The following PPP1R13B variants were observed in gnomAD, a reference collection of about 807,000 sequenced individuals.
The protein encoded by PPP1R13B is protein phosphatase 1 regulatory subunit 13B.
A neutral mutation model predicts 119.8 loss-of-function variants in PPP1R13B; 44 were observed. The ratio of observed to expected loss-of-function variants is 0.37; its 90% CI spans 0.29 to 0.47. The LOEUF is 0.47. PPP1R13B is among the 20% of genes least tolerant of loss of function. The probability of loss-of-function intolerance (pLI) is 0.99; values close to 1 mark genes in which losing one functional copy is unlikely to be tolerated. For missense variants in PPP1R13B, 1,227 were observed against 1,413.5 expected (o/e 0.87, Z 2.12); for synonymous variants, 542 against 561.5 (o/e 0.97, Z 0.49).
intron 11 of PPP1R13B, 33 bp downstream of exon 11, chr14:103,741,757 C>T (rs2084262301): frequency 1.3e-6 from 2 of 1,570,774 alleles, no homozygotes; most frequent in East Asian, 2.3e-5. Flanking sequence ...AATTTCCTAG[C>T]CCCAAGAAAA....
intron 4 of PPP1R13B, among the ~76,000 whole-genome samples, chr14:103,771,953 C>T (rs981184388): frequency 1.3e-5 from 2 of 152,158 alleles, no homozygotes; most frequent in East Asian, 1.9e-4. Flanking sequence ...CCCAAATTTC[C>T]TTGTGCCCTT....
At chr14:103,807,151 A>G (rs570386407) in intron 1 of PPP1R13B, among the ~76,000 whole-genome samples, 17 of 152,252 alleles carry the variant, frequency 1.1e-4, no homozygotes, top group African/African-American at 3.6e-4. Flanking sequence ...TGCACTTGCT[A>G]TTCTCTGCAT....
At position 103,738,978 on chromosome 14, in the gene PPP1R13B, GC is replaced by G; in HGVS notation, c.2637del (p.His880ThrfsTer3). 6.2e-7 allele frequency: 1 copy of G among 1,614,078 alleles called. No homozygotes were observed. The highest frequency in any genetic ancestry group is 8.5e-7 in the Non-Finnish European group (1 of 1,179,994). On this transcript the variant is annotated frameshift_variant, in exon 13 of 17. Transcript: ENST00000202556. LOFTEE classifies it high-confidence loss of function. This position sits in a 1 kb window ranked among gnomAD's most constrained non-coding sequence, Gnocchi z 5.6. ...GGGTTAAACCGGACTCTCAGCCCGT[GC>G]CCCGTCCGCTCCGAGTTGGGCTTCT... ...NLKKPNSERT[G>X]HGLRVRFNPL... is the part of the protein sequence containing the mutation.
chr14:103,811,716 C>T (rs1393875601), intron 1 of PPP1R13B, among the ~76,000 whole-genome samples: 1 of 151,938 alleles, frequency 6.6e-6, no homozygotes, highest in Non-Finnish European at 1.5e-5. Context: ...GGACTTGTAT[C>T]CTAAATACAC....
chr14:103,767,301 G>A (rs936094931), intron 4 of PPP1R13B, among the ~76,000 whole-genome samples: 4 of 152,032 alleles, frequency 2.6e-5, no homozygotes, highest in African/African-American at 4.8e-5. Context: ...GCAACAGAGC[G>A]AAACCCTGTC....
In PPP1R13B at chr14:103,847,484, C is replaced by T; in HGVS notation, c.-177G>A. 1 of 986,678 alleles carries T rather than the reference C, an allele frequency of 1.0e-6. No homozygotes were observed. The highest frequency in any genetic ancestry group is 4.5e-5 in the South Asian group (1 of 22,148). The allele number at this position is 986,678 out of a possible 1,614,324, so 61.1% of individuals were successfully genotyped here. ...GGGGCTCTCGCTGGCCCTGTCGCGG[C>T]CGCCGGCGCGCTGCGTCGCTGTCCC... is the stretch of plus-strand genomic sequence containing the variant. On this transcript the variant is annotated 5_prime_UTR_variant, in exon 1 of 17. Coordinates refer to ENST00000202556, the MANE Select transcript of PPP1R13B (RefSeq NM_015316.3).
chr14:103,784,677 C>A, intron 3 of PPP1R13B, 118 bp downstream of exon 3: 1 of 913,554 alleles, frequency 1.1e-6, no homozygotes, highest in Non-Finnish European at 1.5e-6. Flanking sequence ...AACTTTCCCT[C>A]TAGCCACTTG....
intron 1 of PPP1R13B, among the ~76,000 whole-genome samples, chr14:103,824,685 A>G (rs2152072139): frequency 6.7e-6 from 1 of 148,260 alleles, no homozygotes; most frequent in Admixed American, 6.8e-5. Context: ...ACAGAGCGAG[A>G]CTCCGCCTCA....
At chr14:103,831,473 G>A (rs2086662767) in intron 1 of PPP1R13B, among the ~76,000 whole-genome samples, 1 of 150,218 alleles carries the variant, frequency 6.7e-6, no homozygotes, top group South Asian at 2.1e-4. Flanking sequence ...ACCACACCCG[G>A]CTAATTTTTG....
intron 1 of PPP1R13B, among the ~76,000 whole-genome samples, chr14:103,840,428 T>A (rs1156668286): frequency 3.9e-5 from 6 of 152,200 alleles, no homozygotes; most frequent in Non-Finnish European, 2.9e-5. Flanking sequence ...GAGAAAGGAA[T>A]GAAGAAAATA....
intron 9 of PPP1R13B, among the ~76,000 whole-genome samples, chr14:103,744,635 G>A (rs768217918): frequency 6.6e-6 from 1 of 152,228 alleles, no homozygotes; most frequent in Non-Finnish European, 1.5e-5. Flanking sequence ...GCTTGCAGAG[G>A]GCCGCGAGGA....
Position 103,735,663 on chromosome 14 carries a change from T to A in PPP1R13B, c.3231+340A>T, listed in dbSNP as rs564751610. 3.3e-3 allele frequency among the ~76,000 whole-genome samples: 502 copies of A among 152,296 alleles called. 2 individuals are homozygous for A. The highest frequency in any genetic ancestry group is 0.011 in the African/African-American group (477 of 41,574). ...CCCACCTCTCCCTCCACTGGAGAAA[T>A]TTCTAGGCTGCAGAGATTTCTAGAT... On this transcript the variant is annotated intron_variant, in intron 16 of 16. Coordinates refer to ENST00000202556, the MANE Select transcript of PPP1R13B (RefSeq NM_015316.3).
At chr14:103,745,229 G>C (rs1229822808) in intron 9 of PPP1R13B, among the ~76,000 whole-genome samples, 1 of 152,152 alleles carries the variant, frequency 6.6e-6, no homozygotes, top group Non-Finnish European at 1.5e-5. Flanking sequence ...TTCATAACAA[G>C]ACCCAAGCTC....
At chr14:103,753,648 T>C (rs2084602848) in intron 6 of PPP1R13B, among the ~76,000 whole-genome samples, 1 of 152,198 alleles carries the variant, frequency 6.6e-6, no homozygotes, top group Non-Finnish European at 1.5e-5. Context: ...AAACAGACCC[T>C]CTGAATGAGT....
intron 1 of PPP1R13B, among the ~76,000 whole-genome samples, chr14:103,820,273 C>T (rs1033288767): frequency 2.6e-5 from 4 of 152,148 alleles, no homozygotes; most frequent in Non-Finnish European, 5.9e-5. Context: ...CCCAGCTCCA[C>T]GAAGTTGAAA....
At chr14:103,831,266 G>T (rs2086659165) in intron 1 of PPP1R13B, among the ~76,000 whole-genome samples, 1 of 149,910 alleles carries the variant, frequency 6.7e-6, no homozygotes, top group Non-Finnish European at 1.5e-5. Flanking sequence ...TTTATATAAT[G>T]AGTTAAATAA....
chr14:103,829,334 T>G (rs1010338139), intron 1 of PPP1R13B, among the ~76,000 whole-genome samples: 6 of 152,214 alleles, frequency 3.9e-5, no homozygotes, highest in African/African-American at 7.2e-5. Flanking sequence ...CTGTGAAAAC[T>G]TGCTAAATGC....
chr14:103,796,685 G>A (rs1050396498), intron 2 of PPP1R13B, among the ~76,000 whole-genome samples: 9 of 152,098 alleles, frequency 5.9e-5, no homozygotes, highest in African/African-American at 1.7e-4. Flanking sequence ...TGTCAGGTGC[G>A]GTGGCTCATG....
chr14:103,738,819 C>A lies in PPP1R13B; in HGVS notation c.2731-7G>T. 6.2e-7 allele frequency: 1 copy of A among 1,614,018 alleles called. No individual in the cohort carries two copies. The highest frequency in any genetic ancestry group is 8.5e-7 in the Non-Finnish European group (1 of 1,179,962). On this transcript the variant is annotated splice_polypyrimidine_tract_variant and splice_region_variant and intron_variant, in intron 13 of 16. Coordinates refer to ENST00000202556, the MANE Select transcript of PPP1R13B (RefSeq NM_015316.3). The surrounding 1 kb of genome is among the most constrained non-coding windows in gnomAD (Gnocchi z 5.6). The stretch of plus-strand genomic sequence containing the variant: ...GCTTGCTGGGATCTTCCACCTAGGA[C>A]ACACGGCCTGTGAGCGCCCATCCCC...
Sources: gnomAD v4.1 joint callset for allele counts (sites outside exome capture counted in the v4.1 genomes callset) on GRCh38, gnomAD v4.1.1 for gene constraint, Gnocchi (gnomAD v3.1) non-coding constraint, MANE v1.5 for transcripts, NCBI Gene and HGNC (gene_info 2026-07-23, HGNC 2026-07-21) for gene names.